The following GLUD1 variants were observed in gnomAD, a reference collection of about 807,000 sequenced individuals.
GLUD1 encodes glutamate dehydrogenase 1.
In GLUD1, 22 loss-of-function variants were observed where a neutral mutation model predicts 56.0. The observed-to-expected ratio is 0.39, with a 90% confidence interval of 0.28 to 0.56. The LOEUF (loss-of-function observed/expected upper bound fraction) is 0.56. GLUD1 is among the 20% of genes least tolerant of loss of function. The pLI is 0.58. For synonymous variants in GLUD1, 223 were observed against 269.9 expected (o/e 0.83, Z 1.70); for missense variants, 451 against 732.0 (o/e 0.62, Z 4.43).
At chr10:87,067,948 T>C in intron 5 of GLUD1, 115 bp downstream of exon 5, 1 of 703,282 alleles carries the variant, frequency 1.4e-6, no homozygotes, top group Non-Finnish European at 2.6e-6. Context: ...ACATCAAGAT[T>C]ATGATTGAAT....
intron 11 of GLUD1, among the ~76,000 whole-genome samples, chr10:87,055,973 G>A (rs1845760940): frequency 6.6e-6 from 1 of 151,662 alleles, no homozygotes; most frequent in African/African-American, 2.4e-5. Flanking sequence ...AAAATTAGCT[G>A]GGTGTGGTGG....
At position 87,062,704 on chromosome 10, in the gene GLUD1, G is replaced by A. The variant is rs1845967536; in HGVS notation, c.873C>T (p.Ser291=). ...CAAACCCTGGTGTCATTCCTAAAATGCTCATGTAAGAAGCTTCATTGATGA... is the reference window on the plus strand; with the variant it reads ...CAAACCCTGGTGTCATTCCTAAAATACTCATGTAAGAAGCTTCATTGATGA... The part of the protein sequence containing the change: ...ENFINEASYM[S]ILGMTPGFGD... The change falls in exon 6 of 13, where the codon AGC becomes AGT. Residue 291 remains serine, a synonymous_variant. Coordinates refer to ENST00000277865, the MANE Select transcript of GLUD1 (RefSeq NM_005271.5). 1 of 1,613,878 alleles carries A rather than the reference G, an allele frequency of 6.2e-7. No homozygotes were observed. Among genetic ancestry groups the A allele is most frequent in the African/African-American group, 1.3e-5 (1 of 74,888 alleles).
chr10:87,074,562 T>G lies in GLUD1; in HGVS notation c.635A>C (p.Lys212Thr), dbSNP rs761375132. The change falls in exon 4 of 13, where the codon AAG becomes ACG. Residue 212 changes from lysine (K) to threonine (T), a missense_variant. Lys to Thr is a moderately conservative substitution (Grantham distance 78, BLOSUM62 -1). Coordinates refer to ENST00000277865, the MANE Select transcript of GLUD1 (RefSeq NM_005271.5). ...TRRFTMELAK[K>T]GFIGPGIDVP... ...GTGGCTACACATACCAATAAAGCCC[T>G]TTTTTGCTAGCTCCATGGTGAACCT... is the stretch of plus-strand genomic sequence containing the variant. 1 of 1,578,120 alleles carries G rather than the reference T, an allele frequency of 6.3e-7. No individual in the cohort carries two copies. Among genetic ancestry groups the G allele is most frequent in the East Asian group, 2.2e-5 (1 of 44,688 alleles).
rs1215054814 is a variant in GLUD1 at position 87,091,860 on chromosome 10, G to GTT, written c.445+2463_445+2464dup. On this transcript the variant is annotated intron_variant, in intron 1 of 12. Coordinates refer to ENST00000277865, the MANE Select transcript of GLUD1 (RefSeq NM_005271.5). ...AAAAGGGTGGAGAGAGGCAGATGAG[G>GTT]TTTTTTTTTTTGGCAAAGAACCAAT... is the stretch of plus-strand genomic sequence containing the variant. Among the ~76,000 whole-genome samples the GTT allele has an allele frequency of 8.9e-5, 13 of 145,752 alleles. No individual in the cohort carries two copies. In the South Asian group the frequency reaches 2.0e-3, roughly 22 times the overall value.
In GLUD1 at chr10:87,057,866, A is replaced by G. The variant is rs1007714789; in HGVS notation, c.1403-84T>C. 4.2e-4 allele frequency: 321 copies of G among 766,512 alleles called. 1 individual carries two copies. Among genetic ancestry groups the G allele is most frequent in the Non-Finnish European group, 6.3e-4 (275 of 434,530 alleles). 47.5% of individuals were successfully genotyped at this position (766,512 alleles called of 1,614,324 possible). A position where few individuals can be genotyped will look rare whatever the true frequency, so the allele number is the denominator to read the frequency against. Reference sequence around the variant, plus strand: ...GAATCAAAAGTAGTCCCAAACTATAACTGTAACCCAAAAACTTATACAGAC... The same window carrying G: ...GAATCAAAAGTAGTCCCAAACTATAGCTGTAACCCAAAAACTTATACAGAC... On this transcript the variant is annotated intron_variant, in intron 10 of 12. Transcript: ENST00000277865.
intron 1 of GLUD1, among the ~76,000 whole-genome samples, chr10:87,083,377 T>G (rs1192237599): frequency 6.6e-6 from 1 of 152,192 alleles, no homozygotes; most frequent in Non-Finnish European, 1.5e-5. Flanking sequence ...CTAGCACTTT[T>G]GAATGCCTAC....
intron 1 of GLUD1, among the ~76,000 whole-genome samples, chr10:87,087,114 T>C (rs1048944625): frequency 2.6e-5 from 4 of 152,110 alleles, no homozygotes; most frequent in Admixed American, 2.0e-4. Context: ...GGGGTTCCCA[T>C]GGCCCCCTCC....
At chr10:87,068,198 GA>G in intron 4 of GLUD1, 41 bp from the exon 5 acceptor site, 3 of 1,242,768 alleles carry the variant, frequency 2.4e-6, no homozygotes, top group Non-Finnish European at 3.6e-6. Flanking sequence ...CAGTTTTTAA[GA>G]AAAATTCTTC....
Position 87,059,179 on chromosome 10 carries a change from T to C in GLUD1, c.1373A>G (p.Tyr458Cys). 1 of 1,613,506 alleles carries C rather than the reference T, an allele frequency of 6.2e-7. No individual in the cohort carries two copies. The highest frequency in any genetic ancestry group is 8.5e-7 in the Non-Finnish European group (1 of 1,180,008). The change falls in exon 10 of 13, where the codon TAT becomes TGT. Residue 458 changes from tyrosine to cysteine, a missense_variant. Tyr to Cys is a radical substitution (Grantham distance 194). Coordinates refer to ENST00000277865, the MANE Select transcript of GLUD1 (RefSeq NM_005271.5). The stretch of plus-strand genomic sequence containing the variant: ...CAAGTGGTAGTTAGAATCCCTTTCA[T>C]ATTTGAAGGTCAAACGGCCATAGCT... ...HVSYGRLTFK[Y>C]ERDSNYHLLM...
Position 87,050,423 on chromosome 10 carries a change from G to A in GLUD1, c.*1328C>T, listed in dbSNP as rs1203328886. 1 of 151,698 alleles carries A rather than the reference G, an allele frequency of 6.6e-6. No homozygotes were observed. The highest frequency in any genetic ancestry group is 1.5e-5 in the Non-Finnish European group (1 of 67,960). 9.4% of individuals were successfully genotyped at this position (151,698 alleles called of 1,614,324 possible). A position where few individuals can be genotyped will look rare whatever the true frequency, so the allele number is the denominator to read the frequency against. ...CTATAAACATTTCAGAAATCCAATT[G>A]CAGTATTATAACTTATGAAAAGAGA... On this transcript the variant is annotated 3_prime_UTR_variant, in exon 13 of 13. Coordinates refer to ENST00000277865, the MANE Select transcript of GLUD1 (RefSeq NM_005271.5).
chr10:87,060,799 G>C lies in GLUD1; in HGVS notation c.1086C>G (p.Pro362=). 1 of 1,614,106 alleles carries C rather than the reference G, an allele frequency of 6.2e-7. No homozygotes were observed. Among genetic ancestry groups the C allele is most frequent in the Non-Finnish European group, 8.5e-7 (1 of 1,180,020 alleles). Residue 362 remains proline (P), a synonymous_variant, in exon 8 of 13, where the codon CCC becomes CCG. Transcript: ENST00000277865. Reference sequence around the variant, plus strand: ...TGCTTCCTTCATAGGGCTTTGCCTTGGGGAAGCCCAGAATGGACCCATGTT... The same window carrying C: ...TGCTTCCTTCATAGGGCTTTGCCTTCGGGAAGCCCAGAATGGACCCATGTT... The part of the protein sequence containing the change: ...KLQHGSILGF[P]KAKPYEGSIL...
intron 4 of GLUD1, 130 bp from the exon 5 acceptor site, chr10:87,068,287 G>A: frequency 1.5e-6 from 1 of 681,330 alleles, no homozygotes; most frequent in Non-Finnish European, 2.7e-6. Context: ...CATTTAGGTA[G>A]CTAATCAAAG....
chr10:87,094,360 G>A lies in GLUD1; in HGVS notation c.410C>T (p.Ala137Val), dbSNP rs1841655406. 1.9e-6 allele frequency: 3 copies of A among 1,611,702 alleles called. No individual in the cohort carries two copies. Among genetic ancestry groups the A allele is most frequent in the Non-Finnish European group, 2.5e-6 (3 of 1,179,388 alleles). Residue 137 changes from alanine (A) to valine (V), a missense_variant, in exon 1 of 13, where the codon GCC becomes GTC. Around this residue, in one of 4 missense-constraint regions of GLUD1, gnomAD observed 248 missense variants for 460.0 expected, o/e 0.54. Transcript: ENST00000277865. This position sits in a 1 kb window ranked among gnomAD's most constrained non-coding sequence, Gnocchi z 6.6. ...GSWEVIEGYR[A>V]QHSQHRTPCK... Reference sequence around the variant, plus strand: ...GGGCGTGCGGTGCTGGCTGTGCTGGGCCCGGTAGCCTTCGATGACCTCCCA... The same window carrying A: ...GGGCGTGCGGTGCTGGCTGTGCTGGACCCGGTAGCCTTCGATGACCTCCCA...
At position 87,094,367 on chromosome 10, in the gene GLUD1, A is replaced by G; in HGVS notation, c.403T>C (p.Tyr135His). The G allele has an allele frequency of 6.2e-7, 1 of 1,612,244 alleles. No homozygotes were observed. The highest frequency in any genetic ancestry group is 8.5e-7 in the Non-Finnish European group (1 of 1,179,600). The stretch of plus-strand genomic sequence containing the variant: ...CGGTGCTGGCTGTGCTGGGCCCGGT[A>G]GCCTTCGATGACCTCCCAGGAGCCG... The part of the protein sequence containing the change: ...DDGSWEVIEG[Y>H]RAQHSQHRTP... The change falls in exon 1 of 13, where the codon TAC becomes CAC. Residue 135 changes from tyrosine (Y) to histidine (H), a missense_variant. Transcript: ENST00000277865. This position sits in a 1 kb window ranked among gnomAD's most constrained non-coding sequence, Gnocchi z 6.6.
chr10:87,067,140 T>C (rs1846099290), intron 5 of GLUD1, among the ~76,000 whole-genome samples: 1 of 152,242 alleles, frequency 6.6e-6, no homozygotes, highest in Non-Finnish European at 1.5e-5. Context: ...AGCCTATTCT[T>C]CCCCAGGAAG....
intron 11 of GLUD1, among the ~76,000 whole-genome samples, chr10:87,055,478 AG>A (rs896083829): frequency 2.7e-4 from 41 of 152,058 alleles, no homozygotes; most frequent in African/African-American, 9.2e-4. Flanking sequence ...GACCAAAGGG[AG>A]GGGTGAACAG....
rs1845923026 is a variant in GLUD1 at position 87,061,275 on chromosome 10, A to C, written c.922-223T>G. On this transcript the variant is annotated intron_variant, in intron 6 of 12. Transcript: ENST00000277865. Reference sequence around the variant, plus strand: ...GGTGGCTCACGCTTGTAATTCCAGCACTTTGGGAGGCTGAGGCAGGTGGAT... The same window carrying C: ...GGTGGCTCACGCTTGTAATTCCAGCCCTTTGGGAGGCTGAGGCAGGTGGAT... 1.2e-5 allele frequency: 8 copies of C among 652,266 alleles called. 1 individual carries two copies. The highest frequency in any genetic ancestry group is 8.3e-5 in the Admixed American group (4 of 48,468). The allele number at this position is 652,266 out of a possible 1,614,324, so 40.4% of individuals were successfully genotyped here. A position where few individuals can be genotyped will look rare whatever the true frequency, so the allele number is the denominator to read the frequency against.
chr10:87,067,918 G>T, intron 5 of GLUD1, 145 bp downstream of exon 5: 2 of 666,952 alleles, frequency 3.0e-6, no homozygotes, highest in Non-Finnish European at 5.5e-6. Flanking sequence ...GAATAGACAA[G>T]TAGACATAAA....
rs759252785 is a variant in GLUD1 at position 87,060,166 on chromosome 10, T to C, written c.1273A>G (p.Ile425Val). 6.3e-7 allele frequency: 1 copy of C among 1,589,520 alleles called. No homozygotes were observed. The highest frequency in any genetic ancestry group is 2.2e-5 in the East Asian group (1 of 44,798). The change falls in exon 9 of 13, where the codon ATT (isoleucine) becomes GTT (valine). Residue 425 changes from isoleucine (I) to valine (V), a missense_variant. Ile to Val is a conservative substitution (Grantham distance 29). Around this residue, in one of 4 missense-constraint regions of GLUD1, gnomAD observed 248 missense variants for 460.0 expected, o/e 0.54. Transcript: ENST00000277865. ...AATAAATATAGATGACTTACTGGAATAACCATAATGTTTCTCTCCAGGAAG... is the reference window on the plus strand; with the variant it reads ...AATAAATATAGATGACTTACTGGAACAACCATAATGTTTCTCTCCAGGAAG... ...KIFLERNIMVIPDLYLNAGGV... is the reference protein window; with the variant it reads ...KIFLERNIMVVPDLYLNAGGV...
Sources: allele counts gnomAD v4.1 joint callset (sites outside exome capture counted in the v4.1 genomes callset), GRCh38; gene constraint gnomAD v4.1.1; regional missense constraint gnomAD v4.1.1; non-coding constraint Gnocchi (gnomAD v3.1); transcripts MANE v1.5; gene names NCBI Gene and HGNC (gene_info 2026-07-23, HGNC 2026-07-21).